The following TAB2 variants were observed in gnomAD, a reference collection of about 807,000 sequenced individuals.
TAB2 encodes TGF-beta activated kinase 1 (MAP3K7) binding protein 2, also known as TGF-beta-activated kinase 1 and MAP3K7-binding protein 2.
In TAB2, 3 loss-of-function variants were observed where a neutral mutation model predicts 65.0. That is an observed-to-expected ratio of 0.05 (90% CI 0.02 to 0.12). The LOEUF (loss-of-function observed/expected upper bound fraction) is 0.12. TAB2 is among the 10% of genes least tolerant of loss of function. The pLI, the probability that TAB2 is intolerant of heterozygous loss-of-function variation, is 1.00. For synonymous variants in TAB2, 298 were observed against 285.1 expected, an observed-to-expected ratio of 1.05 and a Z score of -0.46; for missense variants, 623 against 840.3, an observed-to-expected ratio of 0.74 and a Z score of 3.20.
intron 3 of TAB2, among the ~76,000 whole-genome samples, chr6:149,395,404 C>A (rs1220440558): frequency 1.3e-5 from 2 of 152,158 alleles, no homozygotes; most frequent in Non-Finnish European, 2.9e-5. Context: ...TTCCTGCTAT[C>A]TAGGTTTAAT....
chr6:149,380,494 T>C (rs531453104), intron 3 of TAB2, among the ~76,000 whole-genome samples: 2 of 152,322 alleles, frequency 1.3e-5, no homozygotes, highest in African/African-American at 4.8e-5. Context: ...ATTGGCATAC[T>C]ACATTATGTC....
At chr6:149,252,123 C>A (rs1326892358) in intron 1 of TAB2, among the ~76,000 whole-genome samples, 1 of 152,038 alleles carries the variant, frequency 6.6e-6, no homozygotes, top group African/African-American at 2.4e-5. Context: ...CTTAAGAGGG[C>A]AGGCCGGGTG....
chr6:149,380,638 T>C (rs1781575905), intron 3 of TAB2, among the ~76,000 whole-genome samples: 2 of 152,228 alleles, frequency 1.3e-5, no homozygotes, highest in South Asian at 4.1e-4. Flanking sequence ...TGAATATTTA[T>C]GCCAGTTTGT....
chr6:149,320,308 C>A (rs1779399041), intron 1 of TAB2, among the ~76,000 whole-genome samples: 1 of 152,080 alleles, frequency 6.6e-6, no homozygotes. Context: ...AACTCCTGAC[C>A]TTAGGTGATC....
intron 1 of TAB2, among the ~76,000 whole-genome samples, chr6:149,274,387 C>A (rs1350344892): frequency 6.6e-6 from 1 of 152,206 alleles, no homozygotes; most frequent in South Asian, 2.1e-4. Flanking sequence ...AGCTTATTAC[C>A]TTAGCTTTCC....
Position 149,410,661 on chromosome 6 carries a change from A to G in TAB2, c.*942A>G, listed in dbSNP as rs1271126684. On this transcript the variant is annotated 3_prime_UTR_variant, in exon 7 of 7. Coordinates refer to ENST00000637181, the MANE Select transcript of TAB2 (RefSeq NM_001292034.3). Reference sequence around the variant, plus strand: ...TGCACAGTGAATTGCAGATGATATTACAGAAGTGATGTCTGTAGGTCACAT... The same window carrying G: ...TGCACAGTGAATTGCAGATGATATTGCAGAAGTGATGTCTGTAGGTCACAT... 1.3e-5 allele frequency: 2 copies of G among 152,666 alleles called. No individual in the cohort carries two copies. Among genetic ancestry groups the G allele is most frequent in the Non-Finnish European group, 2.9e-5 (2 of 68,050 alleles). 9.5% of individuals were successfully genotyped at this position (152,666 alleles called of 1,614,324 possible).
chr6:149,224,199 T>C (rs1042555119), intron 1 of TAB2, among the ~76,000 whole-genome samples: 2 of 152,116 alleles, frequency 1.3e-5, no homozygotes, highest in Non-Finnish European at 2.9e-5. Flanking sequence ...TCGGGAAGGG[T>C]GATAATGAAC....
intron 1 of TAB2, among the ~76,000 whole-genome samples, chr6:149,255,617 A>G (rs1778009233): frequency 6.6e-6 from 1 of 152,240 alleles, no homozygotes; most frequent in Non-Finnish European, 1.5e-5. Flanking sequence ...AACAAAAGAA[A>G]TTATGCTAGT....
intron 1 of TAB2, among the ~76,000 whole-genome samples, chr6:149,237,760 G>A (rs1045133467): frequency 6.6e-6 from 1 of 152,150 alleles, no homozygotes; most frequent in African/African-American, 2.4e-5. Context: ...CACTGTGGGT[G>A]CTGGCCATCT....
At chr6:149,229,619 C>G (rs180836373) in intron 1 of TAB2, among the ~76,000 whole-genome samples, 1 of 151,942 alleles carries the variant, frequency 6.6e-6, no homozygotes, top group Non-Finnish European at 1.5e-5. Flanking sequence ...CAGCAGGGCA[C>G]GTAAAGGAGG....
intron 1 of TAB2, among the ~76,000 whole-genome samples, chr6:149,365,971 T>C (rs1781026032): frequency 6.6e-6 from 1 of 152,164 alleles, no homozygotes; most frequent in Admixed American, 6.6e-5. Flanking sequence ...TATGTATAAT[T>C]TCCATTTCTT....
intron 6 of TAB2, among the ~76,000 whole-genome samples, chr6:149,401,984 A>G (rs1053627195): frequency 6.8e-6 from 1 of 147,582 alleles, no homozygotes; most frequent in East Asian, 2.2e-4. Context: ...TTCTAGAGAT[A>G]AACAATACTA....
chr6:149,342,003 A>G (rs1384242989), intron 1 of TAB2, among the ~76,000 whole-genome samples: 3 of 151,294 alleles, frequency 2.0e-5, no homozygotes, highest in Admixed American at 6.6e-5. Context: ...TCGTAGTTGC[A>G]AGTTTGTTTT....
chr6:149,378,212 A>C lies in TAB2; in HGVS notation c.297A>C (p.Gly99=). The C allele has an allele frequency of 6.2e-7, 1 of 1,614,230 alleles. No homozygotes were observed. The highest frequency in any genetic ancestry group is 1.7e-5 in the Admixed American group (1 of 60,032). The change falls in exon 3 of 7, where the codon GGA becomes GGC. Residue 99 remains glycine (G), a synonymous_variant. Transcript: ENST00000637181. ...GAAGAGAAGGAAGTAGGATGAATGG[A>C]AGTAGGACTCTAACGCACAGCATTA... ...HHGREGSRMN[G]SRTLTHSISD...
chr6:149,310,521 A>G (rs953013801), intron 1 of TAB2, among the ~76,000 whole-genome samples: 5 of 152,024 alleles, frequency 3.3e-5, no homozygotes, highest in African/African-American at 9.7e-5. Flanking sequence ...TAGTTTGTCT[A>G]ATTTGTTTTC....
At chr6:149,251,807 A>G (rs550605902) in intron 1 of TAB2, among the ~76,000 whole-genome samples, 9 of 152,290 alleles carry the variant, frequency 5.9e-5, no homozygotes, top group African/African-American at 2.2e-4. Flanking sequence ...CCATATTTAA[A>G]ATCTAAAAGT....
At chr6:149,342,600 T>C (rs906088111) in intron 1 of TAB2, 2 of 152,210 alleles carry the variant, frequency 1.3e-5, no homozygotes, top group African/African-American at 4.8e-5. Context: ...ACTACCTTAC[T>C]GCTATTACAT....
At chr6:149,319,836 A>G (rs913286755) in intron 1 of TAB2, among the ~76,000 whole-genome samples, 1 of 152,186 alleles carries the variant, frequency 6.6e-6, no homozygotes, top group Admixed American at 6.5e-5. Flanking sequence ...ATGAAATGCT[A>G]CTATTGAACC....
At chr6:149,379,653 T>C in intron 3 of TAB2, 135 bp downstream of exon 3, 2 of 784,594 alleles carry the variant, frequency 2.5e-6, no homozygotes, top group Non-Finnish European at 4.3e-6. Flanking sequence ...TATTGTAACA[T>C]TTGAGAGTAT....
Sources: allele counts gnomAD v4.1 joint callset (sites outside exome capture counted in the v4.1 genomes callset), GRCh38; gene constraint gnomAD v4.1.1; transcripts MANE v1.5; gene names NCBI Gene and HGNC (gene_info 2026-07-23, HGNC 2026-07-21).